CDH20: variants seen among roughly 807,000 people sequenced by gnomAD.
CDH20 encodes cadherin 20, also known as cadherin-20.
Under a neutral mutation model 74.2 loss-of-function variants are expected in CDH20, and 29 were observed. The observed-to-expected ratio is 0.39, with a 90% CI of 0.29 to 0.53. The LOEUF (loss-of-function observed/expected upper bound fraction) is 0.53. Among genes scored for constraint, CDH20 ranks in the 20% least tolerant of loss-of-function variants. The pLI, the probability that CDH20 is intolerant of heterozygous loss-of-function variation, is 0.69. For missense variants in CDH20, 988 were observed against 1,048.3 expected, an observed-to-expected ratio of 0.94 and a Z score of 0.79; for synonymous variants, 469 against 405.4, an observed-to-expected ratio of 1.16 and a Z score of -1.88.
rs146091764 is a variant in CDH20, at chr18:61,523,103, A to G, written c.1018-4864A>G. ...TAAAGAGCTTCTGCACAGCAAAAGA[A>G]ACTATCATCAAATTCAACAGGCAAC... is the stretch of plus-strand genomic sequence containing the variant. On this transcript the variant is annotated intron_variant, in intron 6 of 11. Transcript: ENST00000262717. 2.6e-3 allele frequency among the ~76,000 whole-genome samples: 401 copies of G among 152,334 alleles called. 2 individuals carry two copies. The highest frequency in any genetic ancestry group is 8.9e-3 in the African/African-American group (372 of 41,582).
Position 61,550,123 on chromosome 18 carries a change from T to G in CDH20, c.1794T>G (p.Asp598Glu). ...TGACCATCCAAGTGTGCAGCTGTGA[T>G]GACGACGGCCACGTCATGTCCTGCA... Reference protein sequence around the residue: ...GTLTIQVCSCDDDGHVMSCSP... With the variant: ...GTLTIQVCSCEDDGHVMSCSP... The change falls in exon 11 of 12, where the codon GAT becomes GAG. Residue 598 changes from aspartate (D) to glutamate (E), a missense_variant. Asp to Glu is a conservative substitution (Grantham distance 45, BLOSUM62 2). This residue lies in a region of CDH20 where 375 missense variants were observed against 293.1 expected (regional missense o/e 1.28). Coordinates refer to ENST00000262717, the MANE Select transcript of CDH20 (RefSeq NM_031891.4). 6.2e-7 allele frequency: 1 copy of G among 1,614,226 alleles called. No homozygotes were observed. The highest frequency in any genetic ancestry group is 8.5e-7 in the Non-Finnish European group (1 of 1,180,042).
At chr18:61,466,653 T>C (rs1909972689) in intron 1 of CDH20, among the ~76,000 whole-genome samples, 1 of 152,202 alleles carries the variant, frequency 6.6e-6, no homozygotes, top group Non-Finnish European at 1.5e-5. Context: ...GAGGTATCTA[T>C]CTAGGGACTA....
chr18:61,539,118 T>G lies in CDH20; in HGVS notation c.1503T>G (p.Phe501Leu). 1 of 1,614,164 alleles carries G rather than the reference T, an allele frequency of 6.2e-7. No homozygotes were observed. ...APEFPRFYEAFVCENAKAGQL... is the reference protein window; with the variant it reads ...APEFPRFYEALVCENAKAGQL... ...AGTTCCCCAGATTCTATGAAGCTTT[T>G]GTCTGTGAGAACGCCAAGGCAGGAC... The change falls in exon 9 of 12, where the codon TTT (phenylalanine) becomes TTG (leucine). Residue 501 changes from phenylalanine to leucine, a missense_variant. By Grantham distance (22) the Phe-to-Leu change is conservative (BLOSUM62 0). Around this residue, in one of 2 missense-constraint regions of CDH20, gnomAD observed 613 missense variants for 755.2 expected, o/e 0.81. Transcript: ENST00000262717.
At chr18:61,470,316 G>A (rs1397825159) in intron 1 of CDH20, among the ~76,000 whole-genome samples, 2 of 152,152 alleles carry the variant, frequency 1.3e-5, no homozygotes, top group African/African-American at 2.4e-5. Flanking sequence ...CTATTTCTAC[G>A]CCGTATTGTT....
At chr18:61,428,340 G>A (rs960607149) in intron 1 of CDH20, among the ~76,000 whole-genome samples, 3 of 152,118 alleles carry the variant, frequency 2.0e-5, no homozygotes, top group East Asian at 1.9e-4. Flanking sequence ...AGAAGTGTAG[G>A]CGGCCCCAGA....
intron 1 of CDH20, among the ~76,000 whole-genome samples, chr18:61,410,970 G>A (rs1912474852): frequency 6.6e-6 from 1 of 152,206 alleles, no homozygotes. Flanking sequence ...GGAGGCTGAG[G>A]CGGGCGGATC....
At chr18:61,476,640 C>T (rs1365764397) in intron 1 of CDH20, among the ~76,000 whole-genome samples, 2 of 152,110 alleles carry the variant, frequency 1.3e-5, no homozygotes, top group East Asian at 3.9e-4. Flanking sequence ...ACAACTGTGG[C>T]CCTTAATTCA....
chr18:61,400,421 G>T (rs980277149), intron 1 of CDH20, among the ~76,000 whole-genome samples: 4 of 152,186 alleles, frequency 2.6e-5, no homozygotes. Context: ...GTTAACTTGC[G>T]AAAGACCTAA....
At chr18:61,536,462 C>T in intron 7 of CDH20, 31 bp from the exon 8 acceptor site, 1 of 1,606,584 alleles carries the variant, frequency 6.2e-7, no homozygotes, top group Non-Finnish European at 8.5e-7. Context: ...TACCCAAATG[C>T]AAATGATGTA....
intron 1 of CDH20, among the ~76,000 whole-genome samples, chr18:61,487,465 T>G (rs115771582): frequency 1.7e-4 from 26 of 152,252 alleles, no homozygotes; most frequent in African/African-American, 5.8e-4. Flanking sequence ...CCTAAGGAAG[T>G]AGAAATAAAG....
intron 7 of CDH20, among the ~76,000 whole-genome samples, chr18:61,528,648 A>G (rs9949308): frequency 1.4e-4 from 22 of 152,106 alleles, no homozygotes; most frequent in African/African-American, 5.3e-4. Context: ...ATGTCCCCAG[A>G]TATTGCCAAA....
intron 1 of CDH20, among the ~76,000 whole-genome samples, chr18:61,464,664 T>C (rs1909903805): frequency 6.6e-6 from 1 of 152,168 alleles, no homozygotes; most frequent in Non-Finnish European, 1.5e-5. Flanking sequence ...GAATCACTGA[T>C]CAAAACACTG....
At chr18:61,444,926 T>C (rs2144325638) in intron 1 of CDH20, among the ~76,000 whole-genome samples, 1 of 152,308 alleles carries the variant, frequency 6.6e-6, no homozygotes, top group East Asian at 1.9e-4. Flanking sequence ...TGATTCCCAG[T>C]ACTAGTGGAA....
rs1438383905 is a variant in CDH20, at chr18:61,506,677, A to G, written c.830-696A>G. On this transcript the variant is annotated intron_variant, in intron 5 of 11. Transcript: ENST00000262717. ...ATTGTGAGCTCAGGATATCATGTCC[A>G]AAAGGAGATGTCCAACTCTGAGCTT... is the stretch of plus-strand genomic sequence containing the variant. 6.6e-5 allele frequency among the ~76,000 whole-genome samples: 10 copies of G among 152,356 alleles called. No homozygotes were observed. The East Asian group carries it at 1.7e-3, about 26-fold the overall frequency.
rs1391386264 is a variant in CDH20, at chr18:61,555,419, T to A, written c.*724T>A. On this transcript the variant is annotated 3_prime_UTR_variant, in exon 12 of 12. Coordinates refer to ENST00000262717, the MANE Select transcript of CDH20 (RefSeq NM_031891.4). ...GTGTCTCCTCTCAGCTATTTAACTG[T>A]GCCCCTGCAAAATTGTTCAGAATGA... 2.0e-6 allele frequency: 2 copies of A among 985,348 alleles called. No homozygotes were observed. Among genetic ancestry groups the A allele is most frequent in the Non-Finnish European group, 2.4e-6 (2 of 829,942 alleles). 61.0% of individuals were successfully genotyped at this position (985,348 alleles called of 1,614,324 possible).
intron 1 of CDH20, among the ~76,000 whole-genome samples, chr18:61,403,341 C>G (rs1377993958): frequency 3.3e-5 from 5 of 152,318 alleles, no homozygotes; most frequent in South Asian, 4.1e-4. Context: ...GGTTTTACCA[C>G]TTAGACAAAT....
intron 6 of CDH20, among the ~76,000 whole-genome samples, chr18:61,521,997 G>A (rs1182715535): frequency 2.0e-5 from 3 of 152,140 alleles, no homozygotes; most frequent in Non-Finnish European, 2.9e-5. Context: ...CATTCCCTTT[G>A]AAAACTGGCC....
At chr18:61,529,155 G>C (rs934933319) in intron 7 of CDH20, among the ~76,000 whole-genome samples, 44 of 152,222 alleles carry the variant, frequency 2.9e-4, no homozygotes, top group African/African-American at 1.0e-3. Context: ...TATGAAGCGT[G>C]ACACAAAAGA....
chr18:61,428,664 T>C (rs542215795), intron 1 of CDH20, among the ~76,000 whole-genome samples: 4 of 152,282 alleles, frequency 2.6e-5, no homozygotes, highest in South Asian at 2.1e-4. Flanking sequence ...AAAACTCAAG[T>C]TTCAGTTTAC....
Sources: allele counts gnomAD v4.1 joint callset (sites outside exome capture counted in the v4.1 genomes callset), GRCh38; gene constraint gnomAD v4.1.1; regional missense constraint gnomAD v4.1.1; transcripts MANE v1.5; gene names NCBI Gene and HGNC (gene_info 2026-07-23, HGNC 2026-07-21).